The following SP7 variants were observed in gnomAD, a reference collection of about 807,000 sequenced individuals.
The protein encoded by SP7 is Sp7 transcription factor.
Under a neutral mutation model 27.9 loss-of-function variants are expected in SP7, and 13 were observed. That is an observed-to-expected ratio of 0.47 (90% confidence interval 0.30 to 0.74). The LOEUF (loss-of-function observed/expected upper bound fraction) is 0.74, where lower values mean the gene tolerates loss of function less well. Among genes scored for constraint, SP7 ranks in the 30% least tolerant of loss-of-function variants. The pLI, the probability that SP7 is intolerant of heterozygous loss-of-function variation, is 0.06. For missense variants in SP7, 525 were observed against 558.0 expected (o/e 0.94, Z 0.60); for synonymous variants, 219 against 226.7 (o/e 0.97, Z 0.31).
chr12:53,334,377 C>CTG (rs1944742871), intron 2 of SP7, among the ~76,000 whole-genome samples: 3 of 150,962 alleles, frequency 2.0e-5, no homozygotes, highest in African/African-American at 7.3e-5. Context: ...CACACACACT[C>CTG]TCAGGGCCTG....
Position 53,327,755 on chromosome 12 carries a change from C to G in SP7, c.*391G>C, listed in dbSNP as rs1944648018. The G allele has an allele frequency of 4.7e-6, 1 of 214,112 alleles. No homozygotes were observed. Among genetic ancestry groups the G allele is most frequent in the African/African-American group, 2.3e-5 (1 of 43,530 alleles). 13.3% of individuals were successfully genotyped at this position (214,112 alleles called of 1,614,324 possible). On this transcript the variant is annotated 3_prime_UTR_variant, in exon 3 of 3. Transcript: ENST00000536324. ...TGTAAGAAGTTGGGAAGACTGAAGC[C>G]TGGAGGCTGAGGGACAGCAGGAAAT...
chr12:53,338,271 G>A (rs1944791645), upstream of SP7, among the ~76,000 whole-genome samples: 3 of 152,292 alleles, frequency 2.0e-5, no homozygotes, highest in African/African-American at 7.2e-5. Context: ...CTGTGACCTC[G>A]CGGTCTCCCC....
rs2136834802 is a variant in SP7 at position 53,328,713 on chromosome 12, A to G, written c.729T>C (p.Ser243=). The G allele has an allele frequency of 1.9e-6, 3 of 1,604,124 alleles. No individual in the cohort carries two copies. Among genetic ancestry groups the G allele is most frequent in the Non-Finnish European group, 2.6e-6 (3 of 1,173,254 alleles). The part of the protein sequence containing the change: ...AVGNSGQLEG[S]GGAKPPRGAS... Reference sequence around the variant, plus strand: ...CACCCCGTGGGGGTTTGGCTCCACCACTCCCTTCTAGCTGCCCACTATTTC... The same window carrying G: ...CACCCCGTGGGGGTTTGGCTCCACCGCTCCCTTCTAGCTGCCCACTATTTC... The change falls in exon 3 of 3, where the codon AGT becomes AGC. Residue 243 remains serine (S), a synonymous_variant. Coordinates refer to ENST00000536324, the MANE Select transcript of SP7 (RefSeq NM_001173467.3). This position sits in a 1 kb window ranked among gnomAD's most constrained non-coding sequence, Gnocchi z 5.1.
intron 2 of SP7, among the ~76,000 whole-genome samples, chr12:53,333,098 G>A (rs1047013749): frequency 6.6e-6 from 1 of 152,168 alleles, no homozygotes; most frequent in Non-Finnish European, 1.5e-5. Context: ...CAGGGAATGG[G>A]GAGCGAGGAA....
At chr12:53,340,093 TATATAC>T (rs1230640216), upstream of SP7, among the ~76,000 whole-genome samples, 2 of 152,126 alleles carry the variant, frequency 1.3e-5, no homozygotes, top group Admixed American at 1.3e-4. Flanking sequence ...CACACACTGA[TATATAC>T]ATATACAGAT....
At chr12:53,334,374 ACT>A (rs1555193376) in intron 2 of SP7, among the ~76,000 whole-genome samples, 3 of 139,882 alleles carry the variant, frequency 2.1e-5, no homozygotes, top group Admixed American at 7.1e-5. Context: ...ACACACACAC[ACT>A]CTCAGGGCCT....
At chr12:53,337,477 C>A (rs1944782946), upstream of SP7, among the ~76,000 whole-genome samples, 2 of 152,220 alleles carry the variant, frequency 1.3e-5, no homozygotes, top group South Asian at 4.1e-4. Context: ...CACAGGGGGG[C>A]TTAGCCCGCT....
At chr12:53,340,440 G>A (rs1944813271), upstream of SP7, among the ~76,000 whole-genome samples, 1 of 152,134 alleles carries the variant, frequency 6.6e-6, no homozygotes, top group Non-Finnish European at 1.5e-5. Flanking sequence ...AGAAGTTCCA[G>A]TGTACCTTTA....
chr12:53,327,734 A>G lies in SP7; in HGVS notation c.*412T>C, dbSNP rs1389486951. 5.2e-6 allele frequency: 1 copy of G among 192,246 alleles called. No individual in the cohort carries two copies. The highest frequency in any genetic ancestry group is 2.4e-5 in the African/African-American group (1 of 41,658). The allele number at this position is 192,246 out of a possible 1,614,324, so 11.9% of individuals were successfully genotyped here. A position where few individuals can be genotyped will look rare whatever the true frequency, so the allele number is the denominator to read the frequency against. ...CTGGAGAATGGAAAGCAATGGTGTAAGAAGTTGGGAAGACTGAAGCCTGGA... is the reference window on the plus strand; with the variant it reads ...CTGGAGAATGGAAAGCAATGGTGTAGGAAGTTGGGAAGACTGAAGCCTGGA... On this transcript the variant is annotated 3_prime_UTR_variant, in exon 3 of 3. Coordinates refer to ENST00000536324, the MANE Select transcript of SP7 (RefSeq NM_001173467.3).
chr12:53,340,660 G>A (rs1477583552), upstream of SP7, among the ~76,000 whole-genome samples: 2 of 152,096 alleles, frequency 1.3e-5, no homozygotes, highest in Non-Finnish European at 2.9e-5. Flanking sequence ...CTCATGTCCC[G>A]GGCCCCTGGT....
intron 2 of SP7, among the ~76,000 whole-genome samples, chr12:53,334,932 G>A (rs1456870071): frequency 2.0e-5 from 3 of 152,246 alleles, no homozygotes; most frequent in South Asian, 4.1e-4. Context: ...ATAGAGCTGA[G>A]TTTGTCTTTG....
intron 1 of SP7, among the ~76,000 whole-genome samples, chr12:53,342,630 A>G (rs1350852476): frequency 2.0e-5 from 3 of 152,258 alleles, no homozygotes; most frequent in Non-Finnish European, 4.4e-5. Context: ...CCTGGCCAAG[A>G]TGGTGAAACC....
rs1333202675 is a variant in SP7, at chr12:53,329,242, G to C, written c.200C>G (p.Pro67Arg). 2 of 1,613,818 alleles carry C rather than the reference G, an allele frequency of 1.2e-6. No homozygotes were observed. Among genetic ancestry groups the C allele is most frequent in the East Asian group, 2.2e-5 (1 of 44,866 alleles). ...SKTMGDAYPA[P>R]FTSTNGLLSP... ...AAGGAGCCCATTAGTGCTTGTAAAG[G>C]GGGCTGGATAAGCATCCCCCATGGT... The change falls in exon 3 of 3, where the codon CCC (proline) becomes CGC (arginine). Residue 67 changes from proline (P) to arginine (R), a missense_variant. Pro to Arg is a moderately radical substitution (Grantham distance 103, BLOSUM62 -2). Coordinates refer to ENST00000536324, the MANE Select transcript of SP7 (RefSeq NM_001173467.3).
chr12:53,341,527 AC>A (rs1944822564), intron 1 of SP7, among the ~76,000 whole-genome samples: 1 of 152,154 alleles, frequency 6.6e-6, no homozygotes, highest in Non-Finnish European at 1.5e-5. Flanking sequence ...TAAAAACGAT[AC>A]CCTAGAATCT....
At chr12:53,343,087 G>A (rs1326217443) in intron 1 of SP7, among the ~76,000 whole-genome samples, 1 of 151,324 alleles carries the variant, frequency 6.6e-6, no homozygotes. Context: ...CTTGAGTCTA[G>A]GAGTTTGAGA....
Position 53,329,181 on chromosome 12 carries a change from G to A in SP7, c.261C>T (p.Gly87=), listed in dbSNP as rs1471181595. The change falls in exon 3 of 3, where the codon GGC becomes GGT. Residue 87 remains glycine, a synonymous_variant. Coordinates refer to ENST00000536324, the MANE Select transcript of SP7 (RefSeq NM_001173467.3). The part of the protein sequence containing the change: ...PAGSPPAPTS[G]YANDYPPFSH... ...AAAAGGGAGGGTAATCATTAGCATA[G>A]CCTGAGGTGGGTGCTGGAGGACTGC... is the stretch of plus-strand genomic sequence containing the variant. The A allele has an allele frequency of 6.2e-7, 1 of 1,613,892 alleles. No homozygotes were observed. The highest frequency in any genetic ancestry group is 1.7e-5 in the Admixed American group (1 of 60,028).
rs1944844323 is a variant in SP7 at position 53,344,195 on chromosome 12, C to G, written c.-34+919G>C. Among the ~76,000 whole-genome samples the G allele has an allele frequency of 6.6e-6, 1 of 152,102 alleles. No individual in the cohort carries two copies. The highest frequency in any genetic ancestry group is 1.5e-5 in the Non-Finnish European group (1 of 68,002). ...GTGTGTTGATGTGTGCACTTGCACA[C>G]AGGATATGCAGGCATTTTAGAGGTA... On this transcript the variant is annotated intron_variant, in intron 1 of 1. Transcript: ENST00000547755. This position sits in a 1 kb window ranked among gnomAD's most constrained non-coding sequence, Gnocchi z 4.6.
intron 1 of SP7, 73 bp from the exon 2 acceptor site, chr12:53,335,766 G>A: frequency 2.6e-6 from 3 of 1,148,538 alleles, no homozygotes; most frequent in Non-Finnish European, 1.1e-6. Flanking sequence ...GGAGAGAAGA[G>A]ATCTAAAGTT....
chr12:53,343,962 C>T (rs1425046923), intron 1 of SP7, among the ~76,000 whole-genome samples: 1 of 152,074 alleles, frequency 6.6e-6, no homozygotes, highest in Non-Finnish European at 1.5e-5. Context: ...ACATGAGAAT[C>T]TCTTGAGCCT....
Sources: gnomAD v4.1 joint callset for allele counts (sites outside exome capture counted in the v4.1 genomes callset) on GRCh38, gnomAD v4.1.1 for gene constraint, Gnocchi (gnomAD v3.1) non-coding constraint, MANE v1.5 for transcripts, NCBI Gene and HGNC (gene_info 2026-07-23, HGNC 2026-07-21) for gene names.